The following PPARGC1A variants were observed in gnomAD, a reference collection of about 807,000 sequenced individuals.
The protein encoded by PPARGC1A is peroxisome proliferator-activated receptor gamma coactivator 1-alpha.
In PPARGC1A, 25 loss-of-function variants were observed where a neutral mutation model predicts 88.7. That is an observed-to-expected ratio of 0.28 (90% CI 0.21 to 0.39). The LOEUF (loss-of-function observed/expected upper bound fraction) is 0.39. PPARGC1A is among the 10% of genes least tolerant of loss of function. The pLI is 1.00. For missense variants in PPARGC1A, 880 were observed against 968.7 expected (o/e 0.91, Z 1.22); for synonymous variants, 363 against 355.6 (o/e 1.02, Z -0.24).
At chr4:24,443,700 C>T in the PPARGC1A span, among the ~76,000 whole-genome samples, 3 of 151,508 alleles carry the variant, frequency 2.0e-5, no homozygotes, top group Admixed American at 2.0e-4. Context: ...GGATTACAGG[C>T]GCCTGCCACC....
upstream of PPARGC1A, among the ~76,000 whole-genome samples, chr4:23,903,212 A>C (rs1719624653): frequency 6.6e-6 from 1 of 152,186 alleles, no homozygotes; most frequent in Admixed American, 6.5e-5. Context: ...GCATCATTTC[A>C]AATATAAATT....
the PPARGC1A span, among the ~76,000 whole-genome samples, chr4:24,018,975 G>T: frequency 9.2e-5 from 14 of 152,140 alleles, no homozygotes; most frequent in Admixed American, 3.3e-4. Context: ...ATTTTTCTAT[G>T]TGTGAGTATA....
At chr4:24,227,456 A>G in the PPARGC1A span, among the ~76,000 whole-genome samples, 205 of 152,318 alleles carry the variant, frequency 1.3e-3, 6 homozygotes, top group South Asian at 0.041. Context: ...ATAGAATAAC[A>G]CCAAGAAATC....
the PPARGC1A span, among the ~76,000 whole-genome samples, chr4:24,012,577 G>A: frequency 3.3e-5 from 5 of 151,916 alleles, no homozygotes; most frequent in African/African-American, 1.2e-4. Context: ...ACACTTTCCA[G>A]ATCTAGATCA....
At chr4:24,300,324 A>ATTTTTTTTTTT in the PPARGC1A span, among the ~76,000 whole-genome samples, 7 of 45,028 alleles carry the variant, frequency 1.6e-4, no homozygotes, top group African/African-American at 2.1e-4. Context: ...ATACAATAGC[A>ATTTTTTTTTTT]TTTTTTTTTT....
chr4:23,801,667 G>A (rs984040567), intron 12 of PPARGC1A, 63 bp downstream of exon 12: 2 of 1,574,452 alleles, frequency 1.3e-6, no homozygotes, highest in South Asian at 2.2e-5. Context: ...TACGGATTAT[G>A]TTTGTTCCCA....
At chr4:23,912,492 T>C in the PPARGC1A span, among the ~76,000 whole-genome samples, 17 of 152,310 alleles carry the variant, frequency 1.1e-4, no homozygotes, top group South Asian at 2.1e-4. Flanking sequence ...AGTTTAGATG[T>C]TGCTGTGTGG....
the PPARGC1A span, among the ~76,000 whole-genome samples, chr4:24,457,960 C>T: frequency 6.6e-6 from 1 of 151,822 alleles, no homozygotes; most frequent in Non-Finnish European, 1.5e-5. Context: ...CTCAACAGAA[C>T]ATAGGCCAGT....
At chr4:24,357,525 T>G in the PPARGC1A span, among the ~76,000 whole-genome samples, 1 of 152,260 alleles carries the variant, frequency 6.6e-6, no homozygotes, top group Non-Finnish European at 1.5e-5. Context: ...TAAAATAGTC[T>G]GGGTTGAAGG....
the PPARGC1A span, among the ~76,000 whole-genome samples, chr4:24,363,512 C>T: frequency 1.3e-5 from 2 of 152,114 alleles, no homozygotes; most frequent in South Asian, 4.2e-4. Flanking sequence ...TAAATATTCA[C>T]TTAGTGCCAA....
chr4:23,792,607 T>TAAAA lies in PPARGC1A; in HGVS notation c.*3211_*3214dup, dbSNP rs1470555269. 6.6e-6 allele frequency: 1 copy of TAAAA among 152,234 alleles called. No individual in the cohort carries two copies. Among genetic ancestry groups the TAAAA allele is most frequent in the African/African-American group, 2.4e-5 (1 of 41,326 alleles). The allele number at this position is 152,234 out of a possible 1,614,324, so 9.4% of individuals were successfully genotyped here. On this transcript the variant is annotated 3_prime_UTR_variant, in exon 13 of 13. Transcript: ENST00000264867. Reference sequence around the variant, plus strand: ...AAGAATTATTCTGCTACATCTCTTTTAAAAAAGAAAAAAATCCACATTACT... The same window carrying TAAAA: ...AAGAATTATTCTGCTACATCTCTTTTAAAAAAAAAAGAAAAAAATCCACATTACT...
the PPARGC1A span, among the ~76,000 whole-genome samples, chr4:24,365,377 T>A: frequency 5.3e-5 from 8 of 152,164 alleles, no homozygotes; most frequent in African/African-American, 1.9e-4. Flanking sequence ...CTAATGAATT[T>A]GTATTTAAGA....
the PPARGC1A span, among the ~76,000 whole-genome samples, chr4:24,368,933 A>T: frequency 6.6e-6 from 1 of 152,108 alleles, no homozygotes. Flanking sequence ...ATGAGCAGAC[A>T]CACAGAGTCT....
At chr4:24,123,527 C>G in the PPARGC1A span, among the ~76,000 whole-genome samples, 2 of 152,118 alleles carry the variant, frequency 1.3e-5, no homozygotes, top group Non-Finnish European at 1.5e-5. Context: ...CCCCGATTAT[C>G]AAGAGTTGCA....
At chr4:24,183,007 T>C in the PPARGC1A span, among the ~76,000 whole-genome samples, 13 of 152,098 alleles carry the variant, frequency 8.5e-5, no homozygotes, top group African/African-American at 3.1e-4. Context: ...CGCAAAGGAA[T>C]AACATAGACG....
At chr4:24,165,530 A>G in the PPARGC1A span, among the ~76,000 whole-genome samples, 210 of 152,292 alleles carry the variant, frequency 1.4e-3, no homozygotes, top group African/African-American at 5.0e-3. Context: ...TTACAAATTG[A>G]AAGTTTGTGG....
intron 2 of PPARGC1A, among the ~76,000 whole-genome samples, chr4:23,841,493 T>TA: frequency 6.6e-6 from 1 of 152,032 alleles, no homozygotes; most frequent in Non-Finnish European, 1.5e-5. Flanking sequence ...TTTTTTTTTT[T>TA]AGAAAACACA....
intron 2 of PPARGC1A, among the ~76,000 whole-genome samples, chr4:23,853,587 G>A (rs1729688349): frequency 6.6e-6 from 1 of 151,986 alleles, no homozygotes; most frequent in Non-Finnish European, 1.5e-5. Flanking sequence ...TAATGAGGAG[G>A]GATTTCTGTA....
chr4:23,986,170 C>G, the PPARGC1A span, among the ~76,000 whole-genome samples: 4 of 151,926 alleles, frequency 2.6e-5, no homozygotes, highest in Non-Finnish European at 4.4e-5. Context: ...TTCTAGTAAA[C>G]ACTTGGAAGG....
Sources: allele counts gnomAD v4.1 joint callset (sites outside exome capture counted in the v4.1 genomes callset), GRCh38; gene constraint gnomAD v4.1.1; transcripts MANE v1.5; gene names NCBI Gene and HGNC (gene_info 2026-07-23, HGNC 2026-07-21).